POLR1G: variants seen among roughly 807,000 people sequenced by gnomAD.
POLR1G encodes DNA-directed RNA polymerase I subunit RPA34.
In POLR1G, 9 loss-of-function variants were observed where a neutral mutation model predicts 6.3. The observed-to-expected ratio is 1.44, with a 90% CI of 0.87 to 2.51. The LOEUF is 2.51. Among genes scored for constraint, POLR1G ranks in the 30% most tolerant of loss-of-function variants. The pLI, the probability that POLR1G is intolerant of heterozygous loss-of-function variation, is 0.00. For synonymous variants in POLR1G, 248 were observed against 256.5 expected (o/e 0.97, Z 0.32); for missense variants, 617 against 632.5 (o/e 0.98, Z 0.26).
chr19:45,408,587 G>A lies in POLR1G; in HGVS notation c.619G>A (p.Glu207Lys), dbSNP rs763511902. Residue 207 changes from glutamate to lysine, a missense_variant, in exon 3 of 3, where the codon GAA (glutamate) becomes AAA (lysine). Coordinates refer to ENST00000309424, the MANE Select transcript of POLR1G (RefSeq NM_012099.3). ...LEVDMALGSPEMDVRKKKKKK... is the reference protein window; with the variant it reads ...LEVDMALGSPKMDVRKKKKKK... Reference sequence around the variant, plus strand: ...GGTGGACATGGCTTTGGGGTCGCCAGAAATGGATGTGCGGAAGAAGAAGAA... The same window carrying A: ...GGTGGACATGGCTTTGGGGTCGCCAAAAATGGATGTGCGGAAGAAGAAGAA... The A allele has an allele frequency of 2.5e-6, 4 of 1,613,742 alleles. No individual in the cohort carries two copies. Among genetic ancestry groups the A allele is most frequent in the Non-Finnish European group, 3.4e-6 (4 of 1,180,014 alleles).
At chr19:45,407,699 A>G (rs553640912) in intron 2 of POLR1G, 33 of 250,788 alleles carry the variant, frequency 1.3e-4, no homozygotes, top group African/African-American at 7.0e-4. Context: ...GGCCATAAGC[A>G]TGAACCTTGT....
In POLR1G at chr19:45,407,217, C is replaced by T. The variant is rs908696323; in HGVS notation, c.146C>T (p.Ala49Val). Residue 49 changes from alanine to valine, a missense_variant, in exon 2 of 3, where the codon GCA becomes GTA. Physicochemically the swap from Ala to Val is moderately conservative, Grantham distance 64. Transcript: ENST00000309424. ...DTELWLIQAP[A>V]DFAPECFNGR... ...GAGCTGTGGCTTATTCAGGCCCCTG[C>T]AGACTTTGCCCCAGAATGGTGAGTG... The T allele has an allele frequency of 6.2e-7, 1 of 1,612,172 alleles. No individual in the cohort carries two copies. The highest frequency in any genetic ancestry group is 1.3e-5 in the African/African-American group (1 of 74,732).
chr19:45,407,600 A>T, intron 2 of POLR1G: 1 of 290,032 alleles, frequency 3.4e-6, no homozygotes, highest in Non-Finnish European at 6.4e-6. Flanking sequence ...ACATTTGGAC[A>T]TTCTGCAGGC....
Position 45,409,886 on chromosome 19 carries a change from A to ATT in POLR1G, c.*386_*387dup. ...GTTACAATCTTTTTAAGTTATTATT[A>ATT]TTATTATTATTTTTTTTTTTTTTGA... On this transcript the variant is annotated 3_prime_UTR_variant, in exon 3 of 3. Coordinates refer to ENST00000309424, the MANE Select transcript of POLR1G (RefSeq NM_012099.3). 1 of 249,712 alleles carries ATT rather than the reference A, an allele frequency of 4.0e-6. No homozygotes were observed. The highest frequency in any genetic ancestry group is 6.5e-6 in the Non-Finnish European group (1 of 154,638). 15.5% of individuals were successfully genotyped at this position (249,712 alleles called of 1,614,324 possible).
chr19:45,407,040 A>G (rs1599787581), intron 1 of POLR1G, 54 bp from the exon 2 acceptor site: 1 of 1,553,826 alleles, frequency 6.4e-7, no homozygotes. Context: ...CGCGCCCTGC[A>G]AGATTGGACC....
rs1973379108 is a variant in POLR1G, at chr19:45,406,799, G to A, written c.22+81G>A. On this transcript the variant is annotated intron_variant, in intron 1 of 2. Coordinates refer to ENST00000309424, the MANE Select transcript of POLR1G (RefSeq NM_012099.3). The surrounding 1 kb of genome is among the most constrained non-coding windows in gnomAD (Gnocchi z 4.2). Reference sequence around the variant, plus strand: ...CGTCCGAGAGGGTTCGGGCGGAAAAGGAGGCGTACCTGCAAGCAGGACTTG... The same window carrying A: ...CGTCCGAGAGGGTTCGGGCGGAAAAAGAGGCGTACCTGCAAGCAGGACTTG... The A allele has an allele frequency of 3.0e-6, 4 of 1,343,230 alleles. No individual in the cohort carries two copies. The highest frequency in any genetic ancestry group is 1.8e-4 in the Middle Eastern group (1 of 5,462). The allele number at this position is 1,343,230 out of a possible 1,614,324, so 83.2% of individuals were successfully genotyped here.
rs866834412 is a variant in POLR1G at position 45,410,077 on chromosome 19, T to C, written c.*576T>C. 2.5e-4 allele frequency: 40 copies of C among 157,548 alleles called. 1 individual carries two copies. In the Middle Eastern group the frequency reaches 9.3e-3, roughly 36 times the overall value. 9.8% of individuals were successfully genotyped at this position (157,548 alleles called of 1,614,324 possible). ...TTTTTGTATTTTTTTTTAGTAGAGA[T>C]GGGGTTTCACCACGTTAGCCAGGAT... On this transcript the variant is annotated 3_prime_UTR_variant, in exon 3 of 3. Coordinates refer to ENST00000309424, the MANE Select transcript of POLR1G (RefSeq NM_012099.3).
At position 45,409,892 on chromosome 19, in the gene POLR1G, A is replaced by ATTTTTTTTTT. The variant is rs200386912; in HGVS notation, c.*393_*394insTTTTTTTTTT. ...ATCTTTTTAAGTTATTATTATTATTATTATTTTTTTTTTTTTTGAGATGGA... is the reference window on the plus strand; with the variant it reads ...ATCTTTTTAAGTTATTATTATTATTATTTTTTTTTTTTATTTTTTTTTTTTTTGAGATGGA... On this transcript the variant is annotated 3_prime_UTR_variant, in exon 3 of 3. Coordinates refer to ENST00000309424, the MANE Select transcript of POLR1G (RefSeq NM_012099.3). 4.1e-4 allele frequency: 84 copies of ATTTTTTTTTT among 206,410 alleles called. No homozygotes were observed. Among genetic ancestry groups the ATTTTTTTTTT allele is most frequent in the Admixed American group, 5.3e-4 (7 of 13,090 alleles). The allele number at this position is 206,410 out of a possible 1,614,324, so 12.8% of individuals were successfully genotyped here. A position where few individuals can be genotyped will look rare whatever the true frequency, so the allele number is the denominator to read the frequency against.
chr19:45,408,987 T>G lies in POLR1G; in HGVS notation c.1019T>G (p.Met340Arg). 6.2e-7 allele frequency: 1 copy of G among 1,613,840 alleles called. No individual in the cohort carries two copies. The highest frequency in any genetic ancestry group is 8.5e-7 in the Non-Finnish European group (1 of 1,179,932). ...RKKEKGQMAM[M>R]EPGTEAMEPV... ...AAAGAAAAGGGACAGATGGCAATGATGGAGCCAGGGACGGAGGCGATGGAG... is the reference window on the plus strand; with the variant it reads ...AAAGAAAAGGGACAGATGGCAATGAGGGAGCCAGGGACGGAGGCGATGGAG... Residue 340 changes from methionine (M) to arginine (R), a missense_variant, in exon 3 of 3, where the codon ATG becomes AGG. Physicochemically the swap from Met to Arg is moderately conservative, Grantham distance 91 (BLOSUM62 -1). Transcript: ENST00000309424.
At position 45,409,050 on chromosome 19, in the gene POLR1G, G is replaced by T; in HGVS notation, c.1082G>T (p.Gly361Val). The T allele has an allele frequency of 1.9e-6, 3 of 1,613,726 alleles. No homozygotes were observed. The highest frequency in any genetic ancestry group is 1.1e-5 in the South Asian group (1 of 91,064). The change falls in exon 3 of 3, where the codon GGG (glycine) becomes GTG (valine). Residue 361 changes from glycine to valine, a missense_variant. Coordinates refer to ENST00000309424, the MANE Select transcript of POLR1G (RefSeq NM_012099.3). Reference protein sequence around the residue: ...EPEMKPLESPGGTMAPQQPEG... With the variant: ...EPEMKPLESPVGTMAPQQPEG... ...GAGATGAAGCCTCTGGAGTCCCCAGGGGGGACCATGGCGCCTCAACAGCCA... is the reference window on the plus strand; with the variant it reads ...GAGATGAAGCCTCTGGAGTCCCCAGTGGGGACCATGGCGCCTCAACAGCCA...
Position 45,408,247 on chromosome 19 carries a change from C to T in POLR1G, c.279C>T (p.Thr93=), listed in dbSNP as rs1261702970. The T allele has an allele frequency of 2.5e-6, 4 of 1,614,118 alleles. No individual in the cohort carries two copies. Residue 93 remains threonine, a synonymous_variant, in exon 3 of 3, where the codon ACC becomes ACT. Transcript: ENST00000309424. ...LSSCPQAGEA[T]LLAPSTEAGG... ...GCTGTCCCCAAGCTGGAGAAGCGACCCTGCTGGCCCCCTCAACGGAGGCAG... is the reference window on the plus strand; with the variant it reads ...GCTGTCCCCAAGCTGGAGAAGCGACTCTGCTGGCCCCCTCAACGGAGGCAG...
Position 45,409,132 on chromosome 19 carries a change from GA to G in POLR1G, c.1167del (p.Glu390LysfsTer45). ...ALAAPKKKTK[K>X]EKQQDATVEP... ...TGGCAGCTCCCAAAAAGAAGACGAA[GA>G]AAGAAAAACAGCAAGATGCCACAGT... On this transcript the variant is annotated frameshift_variant, in exon 3 of 3. Coordinates refer to ENST00000309424, the MANE Select transcript of POLR1G (RefSeq NM_012099.3). LOFTEE classifies it low-confidence loss of function (END_TRUNC). 6.2e-7 allele frequency: 1 copy of G among 1,613,102 alleles called. No homozygotes were observed. The highest frequency in any genetic ancestry group is 8.5e-7 in the Non-Finnish European group (1 of 1,179,364).
chr19:45,406,659 G>A lies in POLR1G; in HGVS notation c.-38G>A. Reference sequence around the variant, plus strand: ...CGTGGTCTGCAACCTGGTGCGAGCAGCCCGGGCTACAGGGTTGCCTGAGGT... The same window carrying A: ...CGTGGTCTGCAACCTGGTGCGAGCAACCCGGGCTACAGGGTTGCCTGAGGT... On this transcript the variant is annotated 5_prime_UTR_variant, in exon 1 of 3. Coordinates refer to ENST00000309424, the MANE Select transcript of POLR1G (RefSeq NM_012099.3). This position sits in a 1 kb window ranked among gnomAD's most constrained non-coding sequence, Gnocchi z 4.2. The A allele has an allele frequency of 1.9e-6, 3 of 1,546,724 alleles. No homozygotes were observed. Among genetic ancestry groups the A allele is most frequent in the South Asian group, 2.4e-5 (2 of 83,706 alleles).
chr19:45,406,679 T>C lies in POLR1G; in HGVS notation c.-18T>C. 6.5e-7 allele frequency: 1 copy of C among 1,544,970 alleles called. No homozygotes were observed. The highest frequency in any genetic ancestry group is 1.4e-5 in the African/African-American group (1 of 72,422). On this transcript the variant is annotated 5_prime_UTR_variant, in exon 1 of 3. Coordinates refer to ENST00000309424, the MANE Select transcript of POLR1G (RefSeq NM_012099.3). The surrounding 1 kb of genome is among the most constrained non-coding windows in gnomAD (Gnocchi z 4.2). Reference sequence around the variant, plus strand: ...GAGCAGCCCGGGCTACAGGGTTGCCTGAGGTGTGGGTCCCAGGATGGAGGA... The same window carrying C: ...GAGCAGCCCGGGCTACAGGGTTGCCCGAGGTGTGGGTCCCAGGATGGAGGA...
rs1266336975 is a variant in POLR1G, at chr19:45,408,628, G to A, written c.660G>A (p.Gln220=). Residue 220 remains glutamine (Q), a synonymous_variant, in exon 3 of 3, where the codon CAG becomes CAA. Coordinates refer to ENST00000309424, the MANE Select transcript of POLR1G (RefSeq NM_012099.3). ...VRKKKKKKNQ[Q]LKEPEAAGPV... is the part of the protein sequence containing the mutation. ...AGAAGAAGAAGAAAAAAAATCAGCAGCTGAAAGAACCAGAGGCAGCAGGGC... is the reference window on the plus strand; with the variant it reads ...AGAAGAAGAAGAAAAAAAATCAGCAACTGAAAGAACCAGAGGCAGCAGGGC... 1.2e-6 allele frequency: 2 copies of A among 1,613,740 alleles called. No individual in the cohort carries two copies. The highest frequency in any genetic ancestry group is 1.7e-6 in the Non-Finnish European group (2 of 1,180,018).
chr19:45,408,694 G>C lies in POLR1G; in HGVS notation c.726G>C (p.Leu242=). The change falls in exon 3 of 3, where the codon CTG becomes CTC. Residue 242 remains leucine (L), a synonymous_variant. Coordinates refer to ENST00000309424, the MANE Select transcript of POLR1G (RefSeq NM_012099.3). ...TEPTVETLEP[L]GVLFPSTTKK... ...CCACAGTGGAGACACTGGAGCCTCT[G>C]GGAGTGCTGTTCCCGTCCACCACCA... 28 of 1,613,970 alleles carry C rather than the reference G, an allele frequency of 1.7e-5. No individual in the cohort carries two copies. Among genetic ancestry groups the C allele is most frequent in the Non-Finnish European group, 2.3e-5 (27 of 1,180,010 alleles).
Position 45,409,780 on chromosome 19 carries a change from G to A in POLR1G, c.*279G>A, listed in dbSNP as rs1973576536. 1 of 741,966 alleles carries A rather than the reference G, an allele frequency of 1.3e-6. No individual in the cohort carries two copies. Among genetic ancestry groups the A allele is most frequent in the South Asian group, 1.4e-5 (1 of 69,516 alleles). 46.0% of individuals were successfully genotyped at this position (741,966 alleles called of 1,614,324 possible). ...CCAGTCATTAAAGGAGCTGTTTCCT[G>A]GGTAAATCTAGAGTGGGGTTTTGGT... On this transcript the variant is annotated 3_prime_UTR_variant, in exon 3 of 3. Transcript: ENST00000309424.
chr19:45,408,921 T>C lies in POLR1G; in HGVS notation c.953T>C (p.Leu318Pro). The C allele has an allele frequency of 4.3e-6, 7 of 1,613,862 alleles. No homozygotes were observed. Among genetic ancestry groups the C allele is most frequent in the Non-Finnish European group, 5.9e-6 (7 of 1,179,954 alleles). Residue 318 changes from leucine (L) to proline (P), a missense_variant, in exon 3 of 3, where the codon CTG becomes CCG. Transcript: ENST00000309424. ...CAGCCACAGGTGAAGGTGGAGCCAC[T>C]GGAGGAAGCCATCCCTCTGCCCCCT... ...ESQPQVKVEP[L>P]EEAIPLPPTK... is the part of the protein sequence containing the mutation.
In POLR1G at chr19:45,408,570, T is replaced by G; in HGVS notation, c.602T>G (p.Met201Arg). ...VNGHGALEVD[M>R]ALGSPEMDVR... is the part of the protein sequence containing the mutation. Reference sequence around the variant, plus strand: ...GGGCACGGGGCCCTGGAGGTGGACATGGCTTTGGGGTCGCCAGAAATGGAT... The same window carrying G: ...GGGCACGGGGCCCTGGAGGTGGACAGGGCTTTGGGGTCGCCAGAAATGGAT... Residue 201 changes from methionine (M) to arginine (R), a missense_variant, in exon 3 of 3, where the codon ATG (methionine) becomes AGG (arginine). Coordinates refer to ENST00000309424, the MANE Select transcript of POLR1G (RefSeq NM_012099.3). The G allele has an allele frequency of 6.2e-7, 1 of 1,613,642 alleles. No homozygotes were observed. Among genetic ancestry groups the G allele is most frequent in the South Asian group, 1.1e-5 (1 of 91,064 alleles).
Sources: gnomAD v4.1 joint callset for allele counts on GRCh38, gnomAD v4.1.1 for gene constraint, Gnocchi (gnomAD v3.1) non-coding constraint, MANE v1.5 for transcripts, NCBI Gene and HGNC (gene_info 2026-07-23, HGNC 2026-07-21) for gene names.